The following ZNF749 variants were observed in gnomAD, a reference collection of about 807,000 sequenced individuals.
ZNF749 encodes the protein zinc finger protein 749.
A neutral mutation model predicts 7.3 loss-of-function variants in ZNF749; 8 were observed. The observed-to-expected ratio is 1.10, with a 90% CI of 0.64 to 1.98. The LOEUF is 1.98. ZNF749 is among the 30% of genes most tolerant of loss of function. The pLI, the probability that ZNF749 is intolerant of heterozygous loss-of-function variation, is 0.00. For synonymous variants in ZNF749, 310 were observed against 322.4 expected, an observed-to-expected ratio of 0.96 and a Z score of 0.41; for missense variants, 898 against 932.4, an observed-to-expected ratio of 0.96 and a Z score of 0.48.
intron 2 of ZNF749, 29 bp from the exon 3 acceptor site, chr19:57,443,262 G>A (rs1167855879): frequency 1.9e-6 from 3 of 1,561,752 alleles, no homozygotes; most frequent in East Asian, 2.2e-5. Flanking sequence ...GAGTTCACGT[G>A]CACTTCACCA....
In ZNF749 at chr19:57,446,926, A is replaced by G. The variant is rs920891445; in HGVS notation, c.*1441A>G. On this transcript the variant is annotated 3_prime_UTR_variant, in exon 3 of 3. Coordinates refer to ENST00000334181, the MANE Select transcript of ZNF749 (RefSeq NM_001023561.4). ...AAAAATGGTAAAAACTTTATAGGGC[A>G]CTAACATGAACGAAGCTTGCGGGAC... Among the ~76,000 whole-genome samples, 1 of 152,238 alleles carries G rather than the reference A, an allele frequency of 6.6e-6. No individual in the cohort carries two copies. Among genetic ancestry groups the G allele is most frequent in the African/African-American group, 2.4e-5 (1 of 41,466 alleles).
In ZNF749 at chr19:57,444,108, T is replaced by C. The variant is rs1660402532; in HGVS notation, c.960T>C (p.His320=). 1.9e-6 allele frequency: 3 copies of C among 1,613,820 alleles called. No homozygotes were observed. Among genetic ancestry groups the C allele is most frequent in the Admixed American group, 1.7e-5 (1 of 59,988 alleles). The change falls in exon 3 of 3, where the codon CAT becomes CAC. Residue 320 remains histidine (H), a synonymous_variant. Coordinates refer to ENST00000334181, the MANE Select transcript of ZNF749 (RefSeq NM_001023561.4). ...ATCTGGTTGGTCACCAGAAAACCCATACTGGAGAACAGCCCTATGAATGCA... is the reference window on the plus strand; with the variant it reads ...ATCTGGTTGGTCACCAGAAAACCCACACTGGAGAACAGCCCTATGAATGCA... The part of the protein sequence containing the change: ...QAHLVGHQKT[H]TGEQPYECNK...
chr19:57,443,260 G>A (rs7249430), intron 2 of ZNF749, 31 bp from the exon 3 acceptor site: 909,691 of 1,555,950 alleles, frequency 0.58, 269,190 homozygotes, highest in East Asian at 0.74. Context: ...CGGAGTTCAC[G>A]TGCACTTCAC....
the ZNF749 span, among the ~76,000 whole-genome samples, chr19:57,429,277 C>T: frequency 2.0e-5 from 3 of 152,114 alleles, no homozygotes; most frequent in Admixed American, 6.5e-5. This position sits in a 1 kb window ranked among gnomAD's most constrained non-coding sequence, Gnocchi z 4.2. Flanking sequence ...CTGCCTGCCT[C>T]GGCCTCCCAA....
chr19:57,434,735 G>C (rs989751761), upstream of ZNF749, among the ~76,000 whole-genome samples: 1 of 152,048 alleles, frequency 6.6e-6, no homozygotes, highest in Non-Finnish European at 1.5e-5. Context: ...CCTTTTCGTC[G>C]ACAGAAAGAT....
Position 57,435,500 on chromosome 19 carries a change from GC to G in ZNF749, c.-75del. The stretch of plus-strand genomic sequence containing the variant: ...CGGATCGGCTGAGTCGGCTGCAGGC[GC>G]CCCTGCCTCCGTCAGCGTCCAGGTG... On this transcript the variant is annotated 5_prime_UTR_variant, in exon 1 of 3. Coordinates refer to ENST00000334181, the MANE Select transcript of ZNF749 (RefSeq NM_001023561.4). 7.1e-6 allele frequency: 11 copies of G among 1,549,022 alleles called. No individual in the cohort carries two copies. Among genetic ancestry groups the G allele is most frequent in the Non-Finnish European group, 9.6e-6 (11 of 1,149,010 alleles).
chr19:57,435,162 C>T (rs7252637), upstream of ZNF749, among the ~76,000 whole-genome samples: 1 of 152,198 alleles, frequency 6.6e-6, no homozygotes, highest in Non-Finnish European at 1.5e-5. Flanking sequence ...TGAGGCGAGG[C>T]AGGCAGCAGC....
chr19:57,434,039 CT>C (rs2088912725), upstream of ZNF749, among the ~76,000 whole-genome samples: 1 of 152,106 alleles, frequency 6.6e-6, no homozygotes, highest in South Asian at 2.1e-4. Context: ...ATCATAAGGC[CT>C]TATAAGACTA....
chr19:57,441,860 G>T, intron 1 of ZNF749, 25 bp from the exon 2 acceptor site: 1 of 1,613,660 alleles, frequency 6.2e-7, no homozygotes, highest in Non-Finnish European at 8.5e-7. Context: ...GTTGTTCATA[G>T]ACTGAAGTGT....
chr19:57,438,119 C>G, intron 1 of ZNF749: 1 of 398,824 alleles, frequency 2.5e-6, no homozygotes. Flanking sequence ...GAATGAGGGT[C>G]GTGATCAACT....
chr19:57,435,806 C>T (rs2088929980), intron 1 of ZNF749: 1 of 1,013,704 alleles, frequency 9.9e-7, no homozygotes, highest in African/African-American at 1.6e-5. Context: ...GAACGGGCGG[C>T]ACTGGGGAGC....
intron 1 of ZNF749, chr19:57,438,335 C>G (rs917214324): frequency 8.9e-6 from 3 of 335,762 alleles, no homozygotes; most frequent in African/African-American, 6.4e-5. Context: ...GCTGACCAGT[C>G]GTTACCTCCT....
In ZNF749 at chr19:57,444,898, T is replaced by A; in HGVS notation, c.1750T>A (p.Tyr584Asn). 1 of 1,614,224 alleles carries A rather than the reference T, an allele frequency of 6.2e-7. No homozygotes were observed. The highest frequency in any genetic ancestry group is 8.5e-7 in the Non-Finnish European group (1 of 1,180,032). Residue 584 changes from tyrosine to asparagine, a missense_variant, in exon 3 of 3, where the codon TAT (tyrosine) becomes AAT (asparagine). Transcript: ENST00000334181. ...HQKIQTGERR[Y>N]ECNECGKFFL... ...GAAAATCCAGACTGGAGAACGGCGTTATGAATGCAATGAATGTGGGAAATT... is the reference window on the plus strand; with the variant it reads ...GAAAATCCAGACTGGAGAACGGCGTAATGAATGCAATGAATGTGGGAAATT...
In ZNF749 at chr19:57,444,716, A is replaced by G. The variant is rs1238123631; in HGVS notation, c.1568A>G (p.Lys523Arg). ...CTQCAKAFVR[K>R]SHLVQHEKIH... ...CAATGTGCGAAGGCCTTTGTTAGAA[A>G]GTCCCACCTAGTTCAGCATGAGAAA... Residue 523 changes from lysine to arginine, a missense_variant, in exon 3 of 3, where the codon AAG (lysine) becomes AGG (arginine). Transcript: ENST00000334181. 2 of 1,612,148 alleles carry G rather than the reference A, an allele frequency of 1.2e-6. No individual in the cohort carries two copies. The highest frequency in any genetic ancestry group is 1.3e-5 in the African/African-American group (1 of 74,302).
rs2089044106 is a variant in ZNF749, at chr19:57,444,949, A to G, written c.1801A>G (p.Ile601Val). 3 of 1,613,490 alleles carry G rather than the reference A, an allele frequency of 1.9e-6. No homozygotes were observed. The South Asian group carries it at 3.3e-5, about 18-fold the overall frequency. Residue 601 changes from isoleucine to valine, a missense_variant, in exon 3 of 3, where the codon ATT (isoleucine) becomes GTT (valine). By Grantham distance (29) the Ile-to-Val change is conservative. Coordinates refer to ENST00000334181, the MANE Select transcript of ZNF749 (RefSeq NM_001023561.4). Reference protein sequence around the residue: ...KFFLDSYKLVIHQRIHTGEKP... With the variant: ...KFFLDSYKLVVHQRIHTGEKP... ...CTTTTTGGACAGCTACAAACTTGTT[A>G]TTCATCAGAGAATTCACACTGGAGA... is the stretch of plus-strand genomic sequence containing the variant.
Position 57,444,780 on chromosome 19 carries a change from T to C in ZNF749, c.1632T>C (p.Ile544=), listed in dbSNP as rs1273549168. 2 of 1,613,968 alleles carry C rather than the reference T, an allele frequency of 1.2e-6. No homozygotes were observed. Among genetic ancestry groups the C allele is most frequent in the Non-Finnish European group, 1.7e-6 (2 of 1,179,930 alleles). The change falls in exon 3 of 3, where the codon ATT becomes ATC. Residue 544 remains isoleucine (I), a synonymous_variant. Coordinates refer to ENST00000334181, the MANE Select transcript of ZNF749 (RefSeq NM_001023561.4). Reference sequence around the variant, plus strand: ...CATTTTCAAAAAGGTCTGACCTCATTCAACACAAGAGGATTGACCTCAGGC... The same window carrying C: ...CATTTTCAAAAAGGTCTGACCTCATCCAACACAAGAGGATTGACCTCAGGC... ...TDAFSKRSDL[I]QHKRIDLRPR...
At chr19:57,432,561 TAAAAAAAA>T (rs750185614), upstream of ZNF749, among the ~76,000 whole-genome samples, 22 of 74,244 alleles carry the variant, frequency 3.0e-4, no homozygotes, top group Non-Finnish European at 1.6e-4. Context: ...GACTCTGTCT[TAAAAAAAA>T]AAAAAAAAAA....
chr19:57,441,791 C>T, intron 1 of ZNF749, 94 bp from the exon 2 acceptor site: 2 of 1,499,370 alleles, frequency 1.3e-6, no homozygotes, highest in South Asian at 2.4e-5. Flanking sequence ...TTAGTTTGGC[C>T]CTCCAATTCT....
rs2088967081 is a variant in ZNF749, at chr19:57,439,469, G to A, written c.16-2416G>A. Among the ~76,000 whole-genome samples the A allele has an allele frequency of 6.6e-6, 1 of 152,092 alleles. No homozygotes were observed. The highest frequency in any genetic ancestry group is 1.5e-5 in the Non-Finnish European group (1 of 68,014). ...AGAGCATATGAGGAACCAAGTTTTG[G>A]CCAAGTCAAAAATGTTCCAGTGGCC... On this transcript the variant is annotated intron_variant, in intron 1 of 2. Coordinates refer to ENST00000334181, the MANE Select transcript of ZNF749 (RefSeq NM_001023561.4). The surrounding 1 kb of genome is among the most constrained non-coding windows in gnomAD (Gnocchi z 4.3).
Sources: gnomAD v4.1 joint callset for allele counts (sites outside exome capture counted in the v4.1 genomes callset) on GRCh38, gnomAD v4.1.1 for gene constraint, Gnocchi (gnomAD v3.1) non-coding constraint, MANE v1.5 for transcripts, NCBI Gene and HGNC (gene_info 2026-07-23, HGNC 2026-07-21) for gene names.